The following OSBPL6 variants were observed in gnomAD, a reference collection of about 807,000 sequenced individuals.
The protein encoded by OSBPL6 is oxysterol-binding protein-related protein 6.
A neutral mutation model predicts 125.8 loss-of-function variants in OSBPL6; 49 were observed. The ratio of observed to expected loss-of-function variants is 0.39; its 90% confidence interval spans 0.31 to 0.49. OSBPL6 has a LOEUF of 0.49. Ranked by LOEUF, OSBPL6 falls within the 20% of genes least tolerant of loss-of-function variation. The pLI, the probability that OSBPL6 is intolerant of heterozygous loss-of-function variation, is 0.88. For missense variants in OSBPL6, 986 were observed against 1,135.4 expected, an observed-to-expected ratio of 0.87 and a Z score of 1.89; for synonymous variants, 394 against 391.8, an observed-to-expected ratio of 1.01 and a Z score of -0.07.
At chr2:178,308,964 C>A (rs1687021945) in intron 3 of OSBPL6, among the ~76,000 whole-genome samples, 1 of 152,110 alleles carries the variant, frequency 6.6e-6, no homozygotes, top group South Asian at 2.1e-4. Context: ...CAATTAAGGC[C>A]ACAGTTTCTT....
intron 9 of OSBPL6, 48 bp from the exon 10 acceptor site, chr2:178,338,943 C>T (rs1434086): frequency 0.027 from 36,462 of 1,365,862 alleles, 2,411 homozygotes; most frequent in East Asian, 0.26. Context: ...CCATCCCCAC[C>T]GCTCCCTACC....
chr2:178,344,557 A>G (rs1690525598), intron 11 of OSBPL6, among the ~76,000 whole-genome samples: 1 of 152,202 alleles, frequency 6.6e-6, no homozygotes, highest in South Asian at 2.1e-4. Context: ...TTTACAATGG[A>G]GAACTATTAT....
chr2:178,275,762 AG>A (rs1674948242), intron 1 of OSBPL6, among the ~76,000 whole-genome samples: 2 of 152,016 alleles, frequency 1.3e-5, no homozygotes, highest in Admixed American at 6.6e-5. Flanking sequence ...GAACCAGTAA[AG>A]CTGACTTGGG....
At chr2:178,202,119 C>T (rs1045282453) in intron 1 of OSBPL6, among the ~76,000 whole-genome samples, 1 of 151,974 alleles carries the variant, frequency 6.6e-6, no homozygotes, top group Non-Finnish European at 1.5e-5. Context: ...TGTAATAAAC[C>T]CCACATTATA....
intron 1 of OSBPL6, among the ~76,000 whole-genome samples, chr2:178,228,262 G>A (rs550683171): frequency 1.2e-4 from 18 of 152,322 alleles, no homozygotes; most frequent in East Asian, 9.6e-4. Flanking sequence ...ACGGCCGGGC[G>A]CGGTGGCTCA....
At chr2:178,333,302 T>A (rs2154078202) in intron 8 of OSBPL6, among the ~76,000 whole-genome samples, 1 of 152,312 alleles carries the variant, frequency 6.6e-6, no homozygotes, top group Non-Finnish European at 1.5e-5. Context: ...CGAAAATTGC[T>A]TGAACCTGGG....
intron 1 of OSBPL6, among the ~76,000 whole-genome samples, chr2:178,244,480 G>A (rs2091418867): frequency 1.3e-5 from 2 of 152,150 alleles, no homozygotes; most frequent in South Asian, 2.1e-4. Flanking sequence ...TCTTAGCACT[G>A]TGTCTGGCAC....
At chr2:178,229,815 G>A (rs971377406) in intron 1 of OSBPL6, among the ~76,000 whole-genome samples, 1 of 152,160 alleles carries the variant, frequency 6.6e-6, no homozygotes. Flanking sequence ...CTAGGCTACA[G>A]AATGAGACCT....
intron 1 of OSBPL6, among the ~76,000 whole-genome samples, chr2:178,250,613 A>G (rs965320254): frequency 6.6e-6 from 1 of 152,124 alleles, no homozygotes; most frequent in Non-Finnish European, 1.5e-5. Context: ...TCCCTTCCTC[A>G]GGGCTTCTGC....
Position 178,400,354 on chromosome 2 carries a change from T to C in OSBPL6, c.*4795T>C, listed in dbSNP as rs1696067172. 6.6e-6 allele frequency: 1 copy of C among 150,970 alleles called. No homozygotes were observed. The allele number at this position is 150,970 out of a possible 1,614,324, so 9.4% of individuals were successfully genotyped here. A position where few individuals can be genotyped will look rare whatever the true frequency, so the allele number is the denominator to read the frequency against. On this transcript the variant is annotated 3_prime_UTR_variant, in exon 25 of 25. Transcript: ENST00000190611. ...CAGGCTGGAGCGCAATGGCACAATCTCGGCTCACTGCAGCCTCCGCCTCCC... is the reference window on the plus strand; with the variant it reads ...CAGGCTGGAGCGCAATGGCACAATCCCGGCTCACTGCAGCCTCCGCCTCCC...
intron 1 of OSBPL6, among the ~76,000 whole-genome samples, chr2:178,242,813 A>G (rs1295353155): frequency 6.6e-6 from 1 of 152,164 alleles, no homozygotes; most frequent in Non-Finnish European, 1.5e-5. Context: ...TCACTTAATC[A>G]TCTAAGGCCT....
chr2:178,387,004 A>G (rs1694998708), intron 19 of OSBPL6, 57 bp from the exon 20 acceptor site: 6 of 1,155,774 alleles, frequency 5.2e-6, no homozygotes, highest in Admixed American at 2.1e-5. Flanking sequence ...TAGTTTTTAT[A>G]GAAGAGGTGA....
chr2:178,275,388 T>C (rs946843791), intron 1 of OSBPL6, among the ~76,000 whole-genome samples: 1 of 152,128 alleles, frequency 6.6e-6, no homozygotes, highest in Non-Finnish European at 1.5e-5. Context: ...GATGGGCGCC[T>C]GTAATCCCAA....
At chr2:178,240,661 G>A (rs2091253418) in intron 1 of OSBPL6, among the ~76,000 whole-genome samples, 1 of 152,200 alleles carries the variant, frequency 6.6e-6, no homozygotes. Flanking sequence ...GCTGAGGCAG[G>A]AGAATTGCTT....
At chr2:178,240,064 C>T (rs334000) in intron 1 of OSBPL6, among the ~76,000 whole-genome samples, 96,973 of 152,002 alleles carry the variant, frequency 0.64, 33,156 homozygotes, top group African/African-American at 0.9. Context: ...ATAGAAGAAG[C>T]ATATTATTGC....
intron 1 of OSBPL6, among the ~76,000 whole-genome samples, chr2:178,255,157 A>G (rs977021701): frequency 6.6e-6 from 1 of 152,182 alleles, no homozygotes; most frequent in Non-Finnish European, 1.5e-5. Context: ...TACAAAAATT[A>G]GCTGGGCGTG....
chr2:178,346,712 C>T (rs1690751722), intron 11 of OSBPL6, among the ~76,000 whole-genome samples: 1 of 152,118 alleles, frequency 6.6e-6, no homozygotes, highest in African/African-American at 2.4e-5. Flanking sequence ...TTTTTGAATC[C>T]TATAATACCC....
At chr2:178,343,849 A>G (rs1247066497) in intron 11 of OSBPL6, among the ~76,000 whole-genome samples, 7 of 152,098 alleles carry the variant, frequency 4.6e-5, no homozygotes, top group Admixed American at 1.3e-4. Context: ...CTGTCTGGCC[A>G]TTATGAGGCT....
intron 2 of OSBPL6, among the ~76,000 whole-genome samples, chr2:178,290,640 A>T (rs1237628213): frequency 6.6e-6 from 1 of 151,840 alleles, no homozygotes; most frequent in Non-Finnish European, 1.5e-5. Context: ...AATTTCTTTG[A>T]CTCTACTTTT....
Sources: allele counts gnomAD v4.1 joint callset (sites outside exome capture counted in the v4.1 genomes callset), GRCh38; gene constraint gnomAD v4.1.1; transcripts MANE v1.5; gene names NCBI Gene and HGNC (gene_info 2026-07-23, HGNC 2026-07-21).